The following SLC4A4 variants were observed in gnomAD, a reference collection of about 807,000 sequenced individuals.
The protein encoded by SLC4A4 is electrogenic sodium bicarbonate cotransporter 1.
Under a neutral mutation model 111.5 loss-of-function variants are expected in SLC4A4, and 27 were observed. The observed-to-expected ratio is 0.24, with a 90% CI of 0.18 to 0.33. The LOEUF is 0.33. Among genes scored for constraint, SLC4A4 ranks in the 10% least tolerant of loss-of-function variants. The probability of loss-of-function intolerance (pLI) is 1.00; values close to 1 mark genes in which losing one functional copy is unlikely to be tolerated. For synonymous variants in SLC4A4, 443 were observed against 463.4 expected, an observed-to-expected ratio of 0.96 and a Z score of 0.57; for missense variants, 909 against 1,315.5, an observed-to-expected ratio of 0.69 and a Z score of 4.78.
chr4:71,213,684 CGAT>C (rs1718265050), intron 1 of SLC4A4, among the ~76,000 whole-genome samples: 1 of 152,044 alleles, frequency 6.6e-6, no homozygotes, highest in Non-Finnish European at 1.5e-5. Flanking sequence ...ATTTCCAGTA[CGAT>C]GATATTTGGA....
chr4:71,213,470 T>C (rs1443886104), intron 1 of SLC4A4, among the ~76,000 whole-genome samples: 2 of 152,150 alleles, frequency 1.3e-5, no homozygotes, highest in African/African-American at 4.8e-5. Context: ...CACCACACAA[T>C]TTGATCTTAC....
At chr4:71,153,870 T>A (rs1324766755) in intron 2 of SLC4A4, among the ~76,000 whole-genome samples, 5 of 152,140 alleles carry the variant, frequency 3.3e-5, no homozygotes, top group Non-Finnish European at 5.9e-5. Flanking sequence ...TTGTCACCAG[T>A]GGGCTGGAAG....
intron 8 of SLC4A4, among the ~76,000 whole-genome samples, chr4:71,446,466 G>A (rs1396463672): frequency 1.3e-5 from 2 of 152,140 alleles, no homozygotes; most frequent in African/African-American, 4.8e-5. Flanking sequence ...TGGTATATCA[G>A]TTGGGCAGGT....
intron 20 of SLC4A4, among the ~76,000 whole-genome samples, chr4:71,550,546 C>T (rs1279324711): frequency 6.6e-6 from 1 of 151,784 alleles, no homozygotes; most frequent in Non-Finnish European, 1.5e-5. Flanking sequence ...AACCTTTTTT[C>T]CTCCCCTTTG....
In SLC4A4 at chr4:71,534,264, T is replaced by C. The variant is rs770342264; in HGVS notation, c.2318T>C (p.Phe773Ser). The C allele has an allele frequency of 9.9e-6, 16 of 1,613,616 alleles. No homozygotes were observed. The highest frequency in any genetic ancestry group is 1.3e-5 in the Non-Finnish European group (15 of 1,179,788). The part of the protein sequence containing the change: ...SPNRGWFVPP[F>S]GENPWWVCLA... ...AACCGAGGTTGGTTCGTTCCACCGT[T>C]TGGAGAAAACCCCTGGTGGGTGTGC... The change falls in exon 18 of 26, where the codon TTT becomes TCT. Residue 773 changes from phenylalanine (F) to serine (S), a missense_variant. Phe to Ser is a radical substitution (Grantham distance 155). Transcript: ENST00000264485.
chr4:71,273,966 G>A (rs757617062), intron 3 of SLC4A4, among the ~76,000 whole-genome samples: 1 of 152,138 alleles, frequency 6.6e-6, no homozygotes, highest in Non-Finnish European at 1.5e-5. Flanking sequence ...TAAACTTAAA[G>A]TAAATACAGT....
chr4:71,213,651 C>G (rs2149014481), intron 1 of SLC4A4, among the ~76,000 whole-genome samples: 1 of 152,284 alleles, frequency 6.6e-6, no homozygotes, highest in Admixed American at 6.5e-5. Flanking sequence ...GACCCCCACC[C>G]AGAGTCATAA....
At chr4:71,091,482 T>C (rs1742387046) in intron 1 of SLC4A4, among the ~76,000 whole-genome samples, 1 of 151,240 alleles carries the variant, frequency 6.6e-6, no homozygotes. Flanking sequence ...CTCGATCTCC[T>C]GACCTCATGA....
At chr4:71,454,320 G>T (rs4456933) in intron 12 of SLC4A4, among the ~76,000 whole-genome samples, 2,443 of 152,208 alleles carry the variant, frequency 0.016, 66 homozygotes, top group African/African-American at 0.055. Flanking sequence ...TGATAGAAAA[G>T]ATGTGTCTGA....
At chr4:71,378,533 A>G (rs766245845) in intron 6 of SLC4A4, among the ~76,000 whole-genome samples, 3 of 152,224 alleles carry the variant, frequency 2.0e-5, no homozygotes, top group Admixed American at 6.5e-5. Flanking sequence ...ATGCAAATAT[A>G]CAGTAAAGCA....
intron 18 of SLC4A4, 22 bp from the exon 19 acceptor site, chr4:71,546,328 G>C: frequency 6.2e-7 from 1 of 1,605,808 alleles, no homozygotes; most frequent in African/African-American, 1.3e-5. Flanking sequence ...TCTTCACATG[G>C]TTTTGTTATC....
intron 20 of SLC4A4, among the ~76,000 whole-genome samples, chr4:71,551,750 C>G (rs1226456684): frequency 6.6e-6 from 1 of 151,908 alleles, no homozygotes; most frequent in East Asian, 1.9e-4. Context: ...GATCCAACTT[C>G]CAGTCCTTTC....
At chr4:71,531,226 A>G (rs1733887470) in intron 16 of SLC4A4, among the ~76,000 whole-genome samples, 1 of 152,116 alleles carries the variant, frequency 6.6e-6, no homozygotes, top group South Asian at 2.1e-4. Flanking sequence ...CCCCTTACCA[A>G]CTTGCAAATG....
At chr4:71,463,676 G>T (rs754251445) in intron 12 of SLC4A4, among the ~76,000 whole-genome samples, 1 of 152,050 alleles carries the variant, frequency 6.6e-6, no homozygotes, top group Non-Finnish European at 1.5e-5. Flanking sequence ...TATCTTTACC[G>T]AATGAGCAAC....
At chr4:71,250,934 C>T (rs562105325) in intron 2 of SLC4A4, among the ~76,000 whole-genome samples, 3 of 152,202 alleles carry the variant, frequency 2.0e-5, no homozygotes, top group Admixed American at 2.0e-4. Context: ...TGCACCTGTA[C>T]AATGGGGATA....
At chr4:71,336,258 T>C (rs1435906437) in intron 3 of SLC4A4, among the ~76,000 whole-genome samples, 2 of 152,174 alleles carry the variant, frequency 1.3e-5, no homozygotes, top group African/African-American at 4.8e-5. Context: ...TATGTAGAAG[T>C]CCTTGCTTTG....
chr4:71,563,962 C>A, intron 24 of SLC4A4, 73 bp downstream of exon 24: 2 of 931,782 alleles, frequency 2.1e-6, no homozygotes, highest in East Asian at 2.4e-5. Flanking sequence ...TTTAGAATGG[C>A]CATCTGCATT....
intron 6 of SLC4A4, among the ~76,000 whole-genome samples, chr4:71,386,409 T>C (rs1258765345): frequency 6.6e-6 from 1 of 152,160 alleles, no homozygotes; most frequent in Non-Finnish European, 1.5e-5. Flanking sequence ...TCTTTGATAA[T>C]GTTCTCTCTA....
At chr4:71,101,533 G>T (rs1285892430) in intron 2 of SLC4A4, among the ~76,000 whole-genome samples, 1 of 152,094 alleles carries the variant, frequency 6.6e-6, no homozygotes, top group African/African-American at 2.4e-5. Flanking sequence ...AAGTCTATTT[G>T]TCAGAGAGCA....
Sources: allele counts gnomAD v4.1 joint callset (sites outside exome capture counted in the v4.1 genomes callset), GRCh38; gene constraint gnomAD v4.1.1; transcripts MANE v1.5; gene names NCBI Gene and HGNC (gene_info 2026-07-23, HGNC 2026-07-21).